NAV2: variants seen among roughly 807,000 people sequenced by gnomAD.
NAV2 encodes neuron navigator 2.
Under a neutral mutation model 223.2 loss-of-function variants are expected in NAV2, and 54 were observed. The ratio of observed to expected loss-of-function variants is 0.24; its 90% CI spans 0.19 to 0.30. The LOEUF is 0.30. Ranked by LOEUF, NAV2 falls within the 10% of genes least tolerant of loss-of-function variation. The probability of loss-of-function intolerance (pLI) is 1.00; values close to 1 mark genes in which losing one functional copy is unlikely to be tolerated. For synonymous variants in NAV2, 1,279 were observed against 1,239.3 expected (o/e 1.03, Z -0.67); for missense variants, 2,806 against 3,147.5 (o/e 0.89, Z 2.60).
At chr11:19,478,369 GT>G (rs1327084446) in intron 1 of NAV2, among the ~76,000 whole-genome samples, 1 of 152,174 alleles carries the variant, frequency 6.6e-6, no homozygotes, top group Non-Finnish European at 1.5e-5. Flanking sequence ...CTGATGGAAG[GT>G]TTTAAATGTG....
chr11:19,441,976 C>T (rs565082806), intron 1 of NAV2, among the ~76,000 whole-genome samples: 8 of 152,340 alleles, frequency 5.3e-5, no homozygotes, highest in East Asian at 1.9e-4. Context: ...AAGATAGCAA[C>T]GTGTGGTTTA....
chr11:19,499,944 G>A (rs965045262), intron 1 of NAV2, among the ~76,000 whole-genome samples: 1 of 151,832 alleles, frequency 6.6e-6, no homozygotes, highest in Non-Finnish European at 1.5e-5. Context: ...GTAGTAAATT[G>A]ACTCTATCAG....
At chr11:19,615,534 T>A (rs2046765886) in intron 1 of NAV2, among the ~76,000 whole-genome samples, 1 of 152,036 alleles carries the variant, frequency 6.6e-6, no homozygotes, top group Non-Finnish European at 1.5e-5. Context: ...TACACATATA[T>A]AAAATGCATT....
At chr11:20,103,822 A>T (rs1440574388) in intron 34 of NAV2, 98 bp downstream of exon 34, 4 of 1,052,212 alleles carry the variant, frequency 3.8e-6, no homozygotes, top group Non-Finnish European at 5.9e-6. Context: ...TATGTGTTGT[A>T]TGCTAGGTAT....
chr11:19,485,147 G>T (rs988692011), intron 1 of NAV2, among the ~76,000 whole-genome samples: 1 of 152,192 alleles, frequency 6.6e-6, no homozygotes, highest in Non-Finnish European at 1.5e-5. Flanking sequence ...ATAGTGCAAA[G>T]GTCCTTATCT....
chr11:19,478,150 G>C (rs1412669612), intron 1 of NAV2, among the ~76,000 whole-genome samples: 1 of 152,222 alleles, frequency 6.6e-6, no homozygotes. Flanking sequence ...TAGAGAAAGT[G>C]GGCAGGTGCC....
chr11:19,475,540 A>T (rs1487970950), intron 1 of NAV2, among the ~76,000 whole-genome samples: 1 of 152,168 alleles, frequency 6.6e-6, no homozygotes, highest in Non-Finnish European at 1.5e-5. Flanking sequence ...ATTAGCTCAA[A>T]CCTGGCAATA....
At chr11:19,465,898 CA>C (rs1852332399) in intron 1 of NAV2, among the ~76,000 whole-genome samples, 1 of 152,122 alleles carries the variant, frequency 6.6e-6, no homozygotes, top group African/African-American at 2.4e-5. Flanking sequence ...GGCATGAGCT[CA>C]GAAGGGAATC....
chr11:19,406,947 C>G (rs571843086), intron 1 of NAV2, among the ~76,000 whole-genome samples: 9 of 152,296 alleles, frequency 5.9e-5, no homozygotes, highest in African/African-American at 1.9e-4. Flanking sequence ...GGGTAACTTC[C>G]AAACTCCCTT....
At chr11:19,399,406 A>T (rs547395539) in intron 1 of NAV2, among the ~76,000 whole-genome samples, 4 of 152,308 alleles carry the variant, frequency 2.6e-5, no homozygotes, top group African/African-American at 9.6e-5. Context: ...CAGAGATTGG[A>T]TGTACTCCTT....
At chr11:19,494,007 A>G (rs1231404914) in intron 1 of NAV2, among the ~76,000 whole-genome samples, 2 of 152,106 alleles carry the variant, frequency 1.3e-5, no homozygotes, top group Non-Finnish European at 2.9e-5. Flanking sequence ...AGCTGTGGAG[A>G]TGACTGACAC....
At chr11:19,656,972 A>C (rs117672265) in intron 1 of NAV2, among the ~76,000 whole-genome samples, 1 of 152,276 alleles carries the variant, frequency 6.6e-6, no homozygotes, top group East Asian at 1.9e-4. Flanking sequence ...AGGTGGATAC[A>C]CTGGGGGAGG....
chr11:19,448,041 C>T (rs531224826), intron 1 of NAV2, among the ~76,000 whole-genome samples: 3 of 152,328 alleles, frequency 2.0e-5, no homozygotes, highest in African/African-American at 7.2e-5. Flanking sequence ...AGGGTGCTGT[C>T]ATGGCCCAGC....
chr11:19,544,508 T>C (rs114391612), intron 1 of NAV2, among the ~76,000 whole-genome samples: 6 of 152,168 alleles, frequency 3.9e-5, no homozygotes, highest in African/African-American at 1.4e-4. Flanking sequence ...CTGGAGTCCA[T>C]ATTCCACACA....
At chr11:19,436,799 A>C (rs1348505467) in intron 1 of NAV2, among the ~76,000 whole-genome samples, 6 of 152,032 alleles carry the variant, frequency 3.9e-5, no homozygotes, top group African/African-American at 1.4e-4. Flanking sequence ...CAGTATACAG[A>C]GCTTTCATTT....
At chr11:19,666,504 G>T (rs1362462168) in intron 1 of NAV2, among the ~76,000 whole-genome samples, 1 of 152,078 alleles carries the variant, frequency 6.6e-6, no homozygotes, top group Non-Finnish European at 1.5e-5. Context: ...GTGGCCTCAA[G>T]TGTGGGTGGC....
intron 1 of NAV2, among the ~76,000 whole-genome samples, chr11:19,459,764 CT>C (rs1852089250): frequency 6.6e-6 from 1 of 152,108 alleles, no homozygotes; most frequent in Non-Finnish European, 1.5e-5. Flanking sequence ...CTGGAAAAGC[CT>C]TTTGGAATCA....
rs1348759183 is a variant in NAV2 at position 19,870,980 on chromosome 11, A to G, written c.511+1983A>G. Reference sequence around the variant, plus strand: ...AAGATGTTATAGCCCATGGAGGCACATCATGCAGAAAGACACTCAGCTGTC... The same window carrying G: ...AAGATGTTATAGCCCATGGAGGCACGTCATGCAGAAAGACACTCAGCTGTC... On this transcript the variant is annotated intron_variant, in intron 4 of 37. Transcript: ENST00000349880. Among the ~76,000 whole-genome samples the G allele has an allele frequency of 8.5e-5, 13 of 152,214 alleles. 1 individual carries two copies. Among genetic ancestry groups the G allele is most frequent in the Admixed American group, 7.8e-4 (12 of 15,288 alleles).
At chr11:19,477,626 G>C (rs77573492) in intron 1 of NAV2, among the ~76,000 whole-genome samples, 1 of 152,150 alleles carries the variant, frequency 6.6e-6, no homozygotes, top group African/African-American at 2.4e-5. Context: ...CTTCATGAGG[G>C]TCCCCAGCAT....
Sources: allele counts gnomAD v4.1 joint callset (sites outside exome capture counted in the v4.1 genomes callset), GRCh38; gene constraint gnomAD v4.1.1; transcripts MANE v1.5; gene names NCBI Gene and HGNC (gene_info 2026-07-23, HGNC 2026-07-21).